Variants in STN1 observed in about 807,000 individuals in gnomAD.
The protein encoded by STN1 is CST complex subunit STN1.
STN1 carries 29 observed loss-of-function variants against 45.5 expected under a neutral mutation model. The ratio of observed to expected loss-of-function variants is 0.64; its 90% CI spans 0.47 to 0.87. The LOEUF (loss-of-function observed/expected upper bound fraction) is 0.87. Among genes scored for constraint, STN1 ranks in the 40% least tolerant of loss-of-function variants. The pLI, the probability that STN1 is intolerant of heterozygous loss-of-function variation, is 0.00. For synonymous variants in STN1, 148 were observed against 159.0 expected, an observed-to-expected ratio of 0.93 and a Z score of 0.52; for missense variants, 376 against 441.4, an observed-to-expected ratio of 0.85 and a Z score of 1.33.
At chr10:103,902,127 A>C (rs978997159) in intron 4 of STN1, among the ~76,000 whole-genome samples, 2 of 152,012 alleles carry the variant, frequency 1.3e-5, no homozygotes, top group African/African-American at 4.8e-5. Flanking sequence ...CCTTGAACAC[A>C]CCTACTATAC....
At position 103,882,738 on chromosome 10, in the gene STN1, CA is replaced by C; in HGVS notation, c.1052del (p.Leu351ArgfsTer62). ...EAVLQQVLEL[L>X]EDQSDIVSTM... The stretch of plus-strand genomic sequence containing the variant: ...TGCTGACAATGTCACTCTGGTCCTC[CA>C]GGAGCTCCAGAACTTGCTGCAGCAC... On this transcript the variant is annotated frameshift_variant, in exon 10 of 10. Transcript: ENST00000224950. LOFTEE classifies it high-confidence loss of function. The C allele has an allele frequency of 1.2e-6, 2 of 1,614,226 alleles. No homozygotes were observed. The highest frequency in any genetic ancestry group is 1.7e-6 in the Non-Finnish European group (2 of 1,180,042).
intron 2 of STN1, among the ~76,000 whole-genome samples, chr10:103,911,024 T>TC (rs986682026): frequency 4.0e-5 from 6 of 151,132 alleles, no homozygotes; most frequent in African/African-American, 1.5e-4. Flanking sequence ...CTTTTTTTTT[T>TC]TTTCAAACAA....
intron 3 of STN1, among the ~76,000 whole-genome samples, chr10:103,909,851 C>G (rs1462884047): frequency 6.6e-6 from 1 of 152,108 alleles, no homozygotes; most frequent in Non-Finnish European, 1.5e-5. Context: ...AAATATCTAG[C>G]TTGGGCTCTT....
At chr10:103,914,355 TATATATATATA>T (rs1485811742) in intron 2 of STN1, among the ~76,000 whole-genome samples, 2,111 of 33,090 alleles carry the variant, frequency 0.064, 172 homozygotes, top group African/African-American at 0.15. Flanking sequence ...TATATATATA[TATATATATATA>T]TATATATATT....
chr10:103,912,075 G>A (rs965734492), intron 2 of STN1, among the ~76,000 whole-genome samples: 2 of 152,112 alleles, frequency 1.3e-5, no homozygotes, highest in Non-Finnish European at 2.9e-5. Context: ...GCAGGCATGA[G>A]CTGAAGATGG....
At chr10:103,916,692 A>G (rs1424500043) in intron 2 of STN1, among the ~76,000 whole-genome samples, 1 of 152,042 alleles carries the variant, frequency 6.6e-6, no homozygotes, top group Non-Finnish European at 1.5e-5. Context: ...CTATTTGTGA[A>G]TTATTACACA....
At chr10:103,911,513 A>G (rs1843291001) in intron 2 of STN1, among the ~76,000 whole-genome samples, 1 of 152,130 alleles carries the variant, frequency 6.6e-6, no homozygotes, top group Non-Finnish European at 1.5e-5. Context: ...TACTTTCAGA[A>G]ACAGGTTATA....
rs1338774820 is a variant in STN1 at position 103,881,471 on chromosome 10, A to G, written c.*1213T>C. Among the ~76,000 whole-genome samples, 1 of 152,238 alleles carries G rather than the reference A, an allele frequency of 6.6e-6. No individual in the cohort carries two copies. The highest frequency in any genetic ancestry group is 2.4e-5 in the African/African-American group (1 of 41,468). ...CACTACATAATCACTGTTAGAAATCAGCAAAGGTTTGCATCATTACAAAAG... is the reference window on the plus strand; with the variant it reads ...CACTACATAATCACTGTTAGAAATCGGCAAAGGTTTGCATCATTACAAAAG... On this transcript the variant is annotated 3_prime_UTR_variant, in exon 10 of 10. Transcript: ENST00000224950.
intron 5 of STN1, 122 bp from the exon 6 acceptor site, chr10:103,899,122 T>C (rs1843190594): frequency 4.1e-6 from 4 of 969,136 alleles, no homozygotes; most frequent in African/African-American, 3.2e-5. Context: ...GCCTCCTTCC[T>C]TGTGAGTGCC....
rs1843343358 is a variant in STN1 at position 103,917,660 on chromosome 10, G to C, written c.-62-4C>G. 7 of 1,556,562 alleles carry C rather than the reference G, an allele frequency of 4.5e-6. No individual in the cohort carries two copies. In the Admixed American group the frequency reaches 1.1e-4, roughly 24 times the overall value. ...TCTGCATCACTGAGTCAAGCATCTA[G>C]ATGGGACACAGAAATGAGGATGCAA... On this transcript the variant is annotated splice_region_variant and splice_polypyrimidine_tract_variant and intron_variant, in intron 1 of 9. Coordinates refer to ENST00000224950, the MANE Select transcript of STN1 (RefSeq NM_024928.5).
chr10:103,903,603 C>T (rs1843223507), intron 4 of STN1, among the ~76,000 whole-genome samples: 1 of 152,110 alleles, frequency 6.6e-6, no homozygotes, highest in Non-Finnish European at 1.5e-5. Flanking sequence ...AGTTCTCCTC[C>T]CCTCTGGAGG....
At chr10:103,882,989 T>A in intron 9 of STN1, 148 bp from the exon 10 acceptor site, 1 of 768,144 alleles carries the variant, frequency 1.3e-6, no homozygotes, top group South Asian at 2.1e-5. Flanking sequence ...ATCTACCTGA[T>A]CACAAAAACA....
chr10:103,914,364 ATATATATATATT>A (rs1214254842), intron 2 of STN1, among the ~76,000 whole-genome samples: 241 of 8,726 alleles, frequency 0.028, 8 homozygotes, highest in Non-Finnish European at 0.029. Context: ...ATATATATAT[ATATATATATATT>A]TTTTTTTTTT....
chr10:103,908,955 A>G (rs1843262392), intron 3 of STN1, among the ~76,000 whole-genome samples: 2 of 151,830 alleles, frequency 1.3e-5, no homozygotes, highest in South Asian at 2.1e-4. Context: ...ACTGAGTTAT[A>G]TGGAGACCAC....
chr10:103,911,014 CT>C (rs10668099), intron 2 of STN1, among the ~76,000 whole-genome samples: 7 of 143,152 alleles, frequency 4.9e-5, no homozygotes, highest in Non-Finnish European at 6.1e-5. Flanking sequence ...GCTTCTTTGG[CT>C]TTTTTTTTTT....
rs1055147344 is a variant in STN1 at position 103,879,274 on chromosome 10, A to G, written c.*3410T>C. On this transcript the variant is annotated 3_prime_UTR_variant, in exon 10 of 10. Transcript: ENST00000224950. ...AGGAAACAAAACAGAGAATTCTGCC[A>G]TCATGGAACATTCTGTCTATTGGGG... is the stretch of plus-strand genomic sequence containing the variant. 1 of 152,572 alleles carries G rather than the reference A, an allele frequency of 6.6e-6. No individual in the cohort carries two copies. The highest frequency in any genetic ancestry group is 2.4e-5 in the African/African-American group (1 of 41,468). The allele number at this position is 152,572 out of a possible 1,614,324, so 9.5% of individuals were successfully genotyped here. A position where few individuals can be genotyped will look rare whatever the true frequency, so the allele number is the denominator to read the frequency against.
At chr10:103,906,733 G>A (rs1409266026) in intron 3 of STN1, among the ~76,000 whole-genome samples, 1 of 151,894 alleles carries the variant, frequency 6.6e-6, no homozygotes, top group Non-Finnish European at 1.5e-5. Context: ...AGAAAAAGTG[G>A]CAAAGAAAAG....
At chr10:103,892,287 T>C in intron 7 of STN1, 35 bp from the exon 8 acceptor site, 1 of 1,569,154 alleles carries the variant, frequency 6.4e-7, no homozygotes, top group Non-Finnish European at 8.6e-7. Context: ...AGAAAAGAAA[T>C]AAGTCTCACC....
At chr10:103,910,498 A>G in intron 3 of STN1, 29 bp downstream of exon 3, 3 of 1,466,230 alleles carry the variant, frequency 2.0e-6, no homozygotes, top group Non-Finnish European at 2.9e-6. Flanking sequence ...CTTCTACATC[A>G]ACTTCATTTC....
Sources: gnomAD v4.1 joint callset for allele counts (sites outside exome capture counted in the v4.1 genomes callset) on GRCh38, gnomAD v4.1.1 for gene constraint, MANE v1.5 for transcripts, NCBI Gene and HGNC (gene_info 2026-07-23, HGNC 2026-07-21) for gene names.